The following TNS3 variants were observed in gnomAD, a reference collection of about 807,000 sequenced individuals.
TNS3 encodes tensin 3, also known as tensin-3.
Under a neutral mutation model 140.9 loss-of-function variants are expected in TNS3, and 45 were observed. The ratio of observed to expected loss-of-function variants is 0.32; its 90% CI spans 0.25 to 0.41. The LOEUF (loss-of-function observed/expected upper bound fraction) is 0.41. Among genes scored for constraint, TNS3 ranks in the 10% least tolerant of loss-of-function variants. The pLI is 1.00. For missense variants in TNS3, 1,716 were observed against 1,906.7 expected (o/e 0.90, Z 1.86); for synonymous variants, 815 against 788.4 (o/e 1.03, Z -0.56).
At chr7:47,538,795 A>C (rs1425469992) in intron 1 of TNS3, among the ~76,000 whole-genome samples, 7 of 152,220 alleles carry the variant, frequency 4.6e-5, no homozygotes, top group African/African-American at 1.7e-4. Context: ...CCTGTCCTTC[A>C]AATGACACCA....
At chr7:47,280,106 C>A in intron 30 of TNS3, 58 bp downstream of exon 30, 2 of 1,603,018 alleles carry the variant, frequency 1.2e-6, no homozygotes, top group South Asian at 2.2e-5. Flanking sequence ...GAAGAGAATT[C>A]AACTTTGGAG....
intron 20 of TNS3, among the ~76,000 whole-genome samples, chr7:47,312,032 T>A (rs1046523301): frequency 1.3e-5 from 2 of 152,210 alleles, no homozygotes; most frequent in African/African-American, 2.4e-5. Flanking sequence ...TCTGTTTGTA[T>A]GAACATACTG....
chr7:47,356,179 G>T (rs1053001606), intron 17 of TNS3, among the ~76,000 whole-genome samples: 1 of 152,194 alleles, frequency 6.6e-6, no homozygotes, highest in Non-Finnish European at 1.5e-5. Context: ...GCTGGGACAC[G>T]CACCTAAGTT....
chr7:47,345,123 G>T, intron 18 of TNS3, 85 bp from the exon 19 acceptor site: 1 of 1,093,710 alleles, frequency 9.1e-7, no homozygotes, highest in Non-Finnish European at 1.4e-6. Flanking sequence ...GCTCCCCCAG[G>T]CTGGCCCACT....
At chr7:47,294,859 A>G (rs1195021808) in intron 24 of TNS3, among the ~76,000 whole-genome samples, 1 of 152,238 alleles carries the variant, frequency 6.6e-6, no homozygotes, top group Non-Finnish European at 1.5e-5. Context: ...CTGGCTTCCA[A>G]ACTGAAGGGG....
chr7:47,326,001 G>A (rs1029014886), intron 20 of TNS3, among the ~76,000 whole-genome samples: 2 of 152,160 alleles, frequency 1.3e-5, no homozygotes, highest in African/African-American at 2.4e-5. Flanking sequence ...CTCCAACCAC[G>A]GGAGCTTTCA....
chr7:47,288,244 C>T (rs553346461), intron 27 of TNS3, among the ~76,000 whole-genome samples: 4 of 152,116 alleles, frequency 2.6e-5, no homozygotes, highest in Non-Finnish European at 5.9e-5. Flanking sequence ...GCCAGAGCTG[C>T]CAACTTGGGT....
At chr7:47,300,125 C>A (rs1409897005) in intron 23 of TNS3, among the ~76,000 whole-genome samples, 1 of 152,134 alleles carries the variant, frequency 6.6e-6, no homozygotes, top group Non-Finnish European at 1.5e-5. Context: ...TTTCCTCCTG[C>A]ATCACCCTGA....
At chr7:47,502,327 T>G (rs1268992669) in intron 3 of TNS3, among the ~76,000 whole-genome samples, 1 of 152,146 alleles carries the variant, frequency 6.6e-6, no homozygotes, top group African/African-American at 2.4e-5. Flanking sequence ...AAGATGAAAG[T>G]TAACTGCCAG....
At chr7:47,349,645 T>G (rs563444056) in intron 17 of TNS3, among the ~76,000 whole-genome samples, 1 of 152,318 alleles carries the variant, frequency 6.6e-6, no homozygotes, top group African/African-American at 2.4e-5. Flanking sequence ...GCACACAAGG[T>G]CAGCAAGGCT....
In TNS3 at chr7:47,277,950, T is replaced by C. The variant is rs1784941727; in HGVS notation, c.*126A>G. 4 of 1,070,880 alleles carry C rather than the reference T, an allele frequency of 3.7e-6. No individual in the cohort carries two copies. Among genetic ancestry groups the C allele is most frequent in the Admixed American group, 1.9e-5 (1 of 51,556 alleles). The allele number at this position is 1,070,880 out of a possible 1,614,324, so 66.3% of individuals were successfully genotyped here. On this transcript the variant is annotated 3_prime_UTR_variant, in exon 31 of 31. Coordinates refer to ENST00000311160, the MANE Select transcript of TNS3 (RefSeq NM_022748.12). ...GTTTTTGCAGAGCTGGAAGATCCTC[T>C]TTCCCCTCATGGGCCTGGAATGTCA...
At chr7:47,334,674 G>A (rs112270079) in intron 20 of TNS3, among the ~76,000 whole-genome samples, 14,431 of 140,360 alleles carry the variant, frequency 0.1, 851 homozygotes, top group African/African-American at 0.16. Context: ...GTGCGATCTC[G>A]GCTCATGCAA....
chr7:47,311,947 C>T (rs1010835973), intron 20 of TNS3, among the ~76,000 whole-genome samples: 2 of 152,148 alleles, frequency 1.3e-5, no homozygotes, highest in African/African-American at 4.8e-5. Context: ...GGGGAAAGGA[C>T]GAGACACCAA....
intron 1 of TNS3, among the ~76,000 whole-genome samples, chr7:47,536,237 G>A (rs189973333): frequency 6.6e-6 from 1 of 152,318 alleles, no homozygotes; most frequent in African/African-American, 2.4e-5. Flanking sequence ...TCACCCCACA[G>A]AACCTTACAA....
intron 2 of TNS3, among the ~76,000 whole-genome samples, chr7:47,525,778 A>G (rs1377207658): frequency 6.6e-6 from 1 of 152,238 alleles, no homozygotes; most frequent in African/African-American, 2.4e-5. Flanking sequence ...TGCACTGCAC[A>G]CATAGCCATG....
chr7:47,474,279 CAACACACACACATA>C (rs150891872), intron 4 of TNS3, among the ~76,000 whole-genome samples: 21,299 of 149,746 alleles, frequency 0.14, 2,223 homozygotes, highest in African/African-American at 0.29. Flanking sequence ...ACTTCACACA[CAACACACACACATA>C]AACACACACA....
chr7:47,412,674 G>A (rs931683364), intron 12 of TNS3, among the ~76,000 whole-genome samples: 3 of 152,218 alleles, frequency 2.0e-5, no homozygotes, highest in Admixed American at 6.5e-5. Flanking sequence ...AGATCCTATC[G>A]TAGGACTCTC....
intron 16 of TNS3, among the ~76,000 whole-genome samples, chr7:47,391,088 G>C (rs1664143584): frequency 6.6e-6 from 1 of 152,134 alleles, no homozygotes; most frequent in Non-Finnish European, 1.5e-5. Flanking sequence ...GCACACACCA[G>C]CCAGGCGGAA....
At chr7:47,290,857 T>C (rs1785656592) in intron 27 of TNS3, among the ~76,000 whole-genome samples, 1 of 152,186 alleles carries the variant, frequency 6.6e-6, no homozygotes, top group African/African-American at 2.4e-5. Context: ...GTTGAAAACT[T>C]ATATCCACTC....
Sources: gnomAD v4.1 joint callset for allele counts (sites outside exome capture counted in the v4.1 genomes callset) on GRCh38, gnomAD v4.1.1 for gene constraint, MANE v1.5 for transcripts, NCBI Gene and HGNC (gene_info 2026-07-23, HGNC 2026-07-21) for gene names.